SYNJ1: variants seen among roughly 807,000 people sequenced by gnomAD.
The protein encoded by SYNJ1 is synaptojanin 1.
SYNJ1 carries 78 observed loss-of-function variants against 168.2 expected under a neutral mutation model. The ratio of observed to expected loss-of-function variants is 0.46; its 90% confidence interval spans 0.39 to 0.56. SYNJ1 has a LOEUF of 0.56. Among genes scored for constraint, SYNJ1 ranks in the 20% least tolerant of loss-of-function variants. SYNJ1 has a pLI of 0.00. For missense variants in SYNJ1, 1,303 were observed against 1,597.6 expected (o/e 0.82, Z 3.14); for synonymous variants, 539 against 548.6 (o/e 0.98, Z 0.24).
rs2039321592 is a variant in SYNJ1 at position 32,631,422 on chromosome 21, T to C, written c.*383A>G. ...AGGACTGATAGTAACGGGCTCTTCT[T>C]TGGAGAACCATGAAGTTGCCTCTGA... is the stretch of plus-strand genomic sequence containing the variant. On this transcript the variant is annotated 3_prime_UTR_variant, in exon 33 of 33. Transcript: ENST00000674351. 1.2e-6 allele frequency: 2 copies of C among 1,614,176 alleles called. No homozygotes were observed. Among genetic ancestry groups the C allele is most frequent in the Non-Finnish European group, 8.5e-7 (1 of 1,180,030 alleles).
chr21:32,650,149 G>A, intron 23 of SYNJ1, 35 bp downstream of exon 23: 1 of 1,562,684 alleles, frequency 6.4e-7, no homozygotes, highest in Non-Finnish European at 8.6e-7. Context: ...AACATATCTA[G>A]AACTACAAGA....
chr21:32,634,844 G>T lies in SYNJ1; in HGVS notation c.*3+17C>A. ...GACGGATGAAAACACATGTAAGATT[G>T]ATAAATTGTCAGATACCTGTTACCC... On this transcript the variant is annotated intron_variant, in intron 32 of 32. Coordinates refer to ENST00000674351, the MANE Select transcript of SYNJ1 (RefSeq NM_203446.3). The T allele has an allele frequency of 6.2e-7, 1 of 1,613,288 alleles. No homozygotes were observed. The highest frequency in any genetic ancestry group is 8.5e-7 in the Non-Finnish European group (1 of 1,179,612).
chr21:32,678,078 G>C (rs963700683), intron 12 of SYNJ1, among the ~76,000 whole-genome samples: 2 of 152,068 alleles, frequency 1.3e-5, no homozygotes, highest in African/African-American at 2.4e-5. Context: ...AGACACAGTG[G>C]AAGGTGAAAA....
Position 32,688,472 on chromosome 21 carries a change from G to A in SYNJ1, c.790-105C>T, listed in dbSNP as rs903916893. ...CAATTTCTTTGCTGAACACACAGTC[G>A]TTAATCAAATAACTGATTTCCATTC... On this transcript the variant is annotated intron_variant, in intron 6 of 32. Transcript: ENST00000674351. The A allele has an allele frequency of 1.3e-5, 11 of 871,742 alleles. 1 individual carries two copies. The highest frequency in any genetic ancestry group is 2.5e-4 in the Middle Eastern group (1 of 3,986). 54.0% of individuals were successfully genotyped at this position (871,742 alleles called of 1,614,324 possible).
rs1601448358 is a variant in SYNJ1, at chr21:32,694,823, A to G, written c.705+234T>C. ...ATTAAAATTCAATACCAAAACACAC[A>G]ACACTGACTATGTCATGCTGATTAG... On this transcript the variant is annotated intron_variant, in intron 5 of 32. Transcript: ENST00000674351. Among the ~76,000 whole-genome samples the G allele has an allele frequency of 2.0e-5, 3 of 152,188 alleles. No homozygotes were observed. The East Asian group carries it at 5.8e-4, about 29-fold the overall frequency.
intron 2 of SYNJ1, among the ~76,000 whole-genome samples, chr21:32,707,948 C>T (rs1043623610): frequency 2.0e-5 from 3 of 152,178 alleles, no homozygotes; most frequent in Admixed American, 1.3e-4. Flanking sequence ...GCCTGGGAGG[C>T]GGAGGTTGCA....
At chr21:32,685,617 A>G in intron 9 of SYNJ1, 131 bp downstream of exon 9, 1 of 566,742 alleles carries the variant, frequency 1.8e-6, no homozygotes, top group Non-Finnish European at 2.4e-6. Flanking sequence ...AAAAATAAAA[A>G]TAAAATGAAA....
intron 16 of SYNJ1, 68 bp from the exon 17 acceptor site, chr21:32,666,203 G>A: frequency 6.6e-7 from 1 of 1,511,750 alleles, no homozygotes; most frequent in Non-Finnish European, 8.9e-7. Context: ...AGGAAATGAG[G>A]AATATACATA....
intron 1 of SYNJ1, among the ~76,000 whole-genome samples, chr21:32,727,199 G>A (rs563535104): frequency 6.6e-6 from 1 of 152,282 alleles, no homozygotes; most frequent in East Asian, 1.9e-4. Flanking sequence ...TTTAATTTAT[G>A]CTTACTGAAA....
chr21:32,714,442 A>G (rs1238281948), intron 2 of SYNJ1, among the ~76,000 whole-genome samples: 1 of 152,208 alleles, frequency 6.6e-6, no homozygotes, highest in East Asian at 1.9e-4. Flanking sequence ...GTAATGATCC[A>G]TGAAAGAGAC....
At position 32,646,417 on chromosome 21, in the gene SYNJ1, T is replaced by A; in HGVS notation, c.3223A>T (p.Thr1075Ser). ...PIRPSRAPSR[T>S]PGPPSAQSSP... ...CTCTGTGCACTGGGAGGCCCAGGAGTTCTTGACGGTGCTCGGCTTGGTCTG... is the reference window on the plus strand; with the variant it reads ...CTCTGTGCACTGGGAGGCCCAGGAGATCTTGACGGTGCTCGGCTTGGTCTG... Residue 1075 changes from threonine (T) to serine (S), a missense_variant, in exon 24 of 33, where the codon ACT (threonine) becomes TCT (serine). By Grantham distance (58) the Thr-to-Ser change is moderately conservative. Transcript: ENST00000674351. 6.2e-7 allele frequency: 1 copy of A among 1,613,876 alleles called. No individual in the cohort carries two copies. Among genetic ancestry groups the A allele is most frequent in the South Asian group, 1.1e-5 (1 of 91,066 alleles).
At chr21:32,697,737 G>T (rs1321048609) in intron 4 of SYNJ1, among the ~76,000 whole-genome samples, 4 of 152,254 alleles carry the variant, frequency 2.6e-5, no homozygotes, top group Admixed American at 6.5e-5. Flanking sequence ...GGAGGTGAAG[G>T]TTGCAGTGAG....
chr21:32,710,804 TA>T (rs1482891373), intron 2 of SYNJ1, among the ~76,000 whole-genome samples: 1 of 152,120 alleles, frequency 6.6e-6, no homozygotes, highest in Non-Finnish European at 1.5e-5. Flanking sequence ...AAATATATAA[TA>T]AATTAAGAAA....
At chr21:32,683,973 G>C in intron 10 of SYNJ1, 65 bp downstream of exon 10, 1 of 1,333,532 alleles carries the variant, frequency 7.5e-7, no homozygotes, top group Non-Finnish European at 1.1e-6. Context: ...AGAAACATAA[G>C]TATTCAAAAA....
intron 18 of SYNJ1, among the ~76,000 whole-genome samples, chr21:32,659,136 G>A (rs2145868841): frequency 1.3e-5 from 2 of 151,464 alleles, no homozygotes; most frequent in African/African-American, 2.4e-5. Context: ...CAAATTTTGT[G>A]GTCATAAGCT....
At chr21:32,697,904 T>C (rs572774653) in intron 4 of SYNJ1, among the ~76,000 whole-genome samples, 6 of 152,324 alleles carry the variant, frequency 3.9e-5, no homozygotes, top group African/African-American at 1.4e-4. Context: ...CTTTTATCTC[T>C]CAATCTAAGA....
At position 32,628,948 on chromosome 21, in the gene SYNJ1, AAG is replaced by A. The variant is rs1242264787; in HGVS notation, c.*2855_*2856del. 6.6e-6 allele frequency: 1 copy of A among 152,664 alleles called. No homozygotes were observed. The highest frequency in any genetic ancestry group is 1.5e-5 in the Non-Finnish European group (1 of 68,042). 9.5% of individuals were successfully genotyped at this position (152,664 alleles called of 1,614,324 possible). ...TAATATAGAGAACACAGAGTTCACA[AAG>A]AGATCCTTAGTGTCTAACTTCTGCT... On this transcript the variant is annotated 3_prime_UTR_variant, in exon 33 of 33. Coordinates refer to ENST00000674351, the MANE Select transcript of SYNJ1 (RefSeq NM_203446.3).
chr21:32,718,295 A>C (rs2043096172), intron 2 of SYNJ1, among the ~76,000 whole-genome samples: 1 of 152,234 alleles, frequency 6.6e-6, no homozygotes, highest in South Asian at 2.1e-4. Flanking sequence ...TTAAGAACTA[A>C]CTACTGGTTT....
chr21:32,684,217 C>G, intron 9 of SYNJ1, 98 bp from the exon 10 acceptor site: 2 of 1,100,268 alleles, frequency 1.8e-6, no homozygotes, highest in Non-Finnish European at 2.7e-6. Context: ...TCCACCTTCC[C>G]TCTCCAACTT....
Sources: gnomAD v4.1 joint callset for allele counts (sites outside exome capture counted in the v4.1 genomes callset) on GRCh38, gnomAD v4.1.1 for gene constraint, MANE v1.5 for transcripts, NCBI Gene and HGNC (gene_info 2026-07-23, HGNC 2026-07-21) for gene names.